SORCS1: variants seen among roughly 807,000 people sequenced by gnomAD.
SORCS1 encodes the protein VPS10 domain-containing receptor SorCS1.
In SORCS1, 60 loss-of-function variants were observed where a neutral mutation model predicts 146.1. The observed-to-expected ratio is 0.41, with a 90% CI of 0.33 to 0.51. The LOEUF is 0.51. Among genes scored for constraint, SORCS1 ranks in the 20% least tolerant of loss-of-function variants. The pLI, the probability that SORCS1 is intolerant of heterozygous loss-of-function variation, is 0.21. For missense variants in SORCS1, 1,352 were observed against 1,487.6 expected (o/e 0.91, Z 1.50); for synonymous variants, 637 against 584.0 (o/e 1.09, Z -1.31).
In SORCS1 at chr10:106,976,652, C is replaced by T. The variant is rs955566452; in HGVS notation, c.559-20072G>A. 9.9e-5 allele frequency among the ~76,000 whole-genome samples: 15 copies of T among 152,062 alleles called. 1 individual carries two copies. Among genetic ancestry groups the T allele is most frequent in the African/African-American group, 2.4e-5 (1 of 41,406 alleles). ...GGCTGCCATCATCTAGGTTTTAAGC[C>T]GCACATGCATTAGGTATTTGTCCTA... On this transcript the variant is annotated intron_variant, in intron 1 of 25. Transcript: ENST00000263054.
At chr10:106,992,958 A>G (rs957731322) in intron 1 of SORCS1, among the ~76,000 whole-genome samples, 1 of 148,204 alleles carries the variant, frequency 6.7e-6, no homozygotes, top group Non-Finnish European at 1.5e-5. Flanking sequence ...CAGCCTCCCT[A>G]GTAGCTGGGA....
chr10:106,733,124 AAGAAAAG>A (rs1856725058), intron 5 of SORCS1, among the ~76,000 whole-genome samples: 1 of 149,640 alleles, frequency 6.7e-6, no homozygotes, highest in Non-Finnish European at 1.5e-5. Flanking sequence ...AAGAAAAGAA[AAGAAAAG>A]AAAAGAAAAG....
At chr10:107,103,034 C>T (rs1965048324) in intron 1 of SORCS1, among the ~76,000 whole-genome samples, 1 of 152,176 alleles carries the variant, frequency 6.6e-6, no homozygotes, top group African/African-American at 2.4e-5. Flanking sequence ...CCATACCTTT[C>T]TCCTTCCAAC....
At chr10:106,769,925 T>C (rs1859882544) in intron 4 of SORCS1, among the ~76,000 whole-genome samples, 1 of 152,046 alleles carries the variant, frequency 6.6e-6, no homozygotes, top group African/African-American at 2.4e-5. Context: ...ACCCAGTCTC[T>C]ACTAAAAAAA....
At chr10:107,003,871 T>A (rs1275033686) in intron 1 of SORCS1, among the ~76,000 whole-genome samples, 1 of 151,826 alleles carries the variant, frequency 6.6e-6, no homozygotes, top group Admixed American at 6.6e-5. Context: ...CCACAACAAA[T>A]CCCTTTTTAA....
intron 2 of SORCS1, among the ~76,000 whole-genome samples, chr10:106,898,513 G>A (rs1951574539): frequency 1.3e-5 from 2 of 152,168 alleles, no homozygotes; most frequent in South Asian, 2.1e-4. Flanking sequence ...AATGAGCATG[G>A]CACTGGAAAC....
intron 1 of SORCS1, among the ~76,000 whole-genome samples, chr10:107,000,442 C>CA (rs774072689): frequency 0.038 from 5,078 of 135,040 alleles, 256 homozygotes; most frequent in African/African-American, 0.12. Context: ...TACTAAAATA[C>CA]AAAAAAAAAA....
At chr10:106,980,530 AATTAGTT>A (rs1246131659) in intron 1 of SORCS1, among the ~76,000 whole-genome samples, 12 of 152,172 alleles carry the variant, frequency 7.9e-5, no homozygotes, top group Non-Finnish European at 1.8e-4. Context: ...AACTTTCACT[AATTAGTT>A]ATTTCTATTA....
chr10:106,920,104 C>CA (rs1471909213), intron 2 of SORCS1, among the ~76,000 whole-genome samples: 1 of 152,164 alleles, frequency 6.6e-6, no homozygotes, highest in Non-Finnish European at 1.5e-5. Context: ...TTTGGACAGA[C>CA]ACCACTGTTA....
intron 18 of SORCS1, among the ~76,000 whole-genome samples, chr10:106,630,859 A>G (rs1848400465): frequency 6.6e-6 from 1 of 152,068 alleles, no homozygotes. Context: ...AAAAAAAAAA[A>G]AGAAATGGCC....
intron 1 of SORCS1, among the ~76,000 whole-genome samples, chr10:107,144,772 C>A (rs1968163286): frequency 1.3e-5 from 2 of 152,238 alleles, no homozygotes; most frequent in African/African-American, 2.4e-5. Flanking sequence ...TTTGCTAGAA[C>A]CTATCAATAT....
At chr10:106,976,008 A>G (rs1955979698) in intron 1 of SORCS1, among the ~76,000 whole-genome samples, 1 of 151,750 alleles carries the variant, frequency 6.6e-6, no homozygotes, top group Non-Finnish European at 1.5e-5. Context: ...ATTGGCGGGC[A>G]GTGGTGGCGC....
chr10:106,768,534 T>G (rs1341562788), intron 4 of SORCS1, among the ~76,000 whole-genome samples: 2 of 152,212 alleles, frequency 1.3e-5, no homozygotes, highest in African/African-American at 4.8e-5. Context: ...CAAATAGAGT[T>G]AATGTGAAGA....
chr10:106,710,357 G>GAATCAC (rs1032178614), intron 6 of SORCS1, among the ~76,000 whole-genome samples: 1 of 144,718 alleles, frequency 6.9e-6, no homozygotes, highest in African/African-American at 2.5e-5. Flanking sequence ...TGAGGCAACA[G>GAATCAC]AATCACTTGA....
At chr10:106,822,802 T>TTTTTTTTTTTTTTTTCG (rs994708912) in intron 3 of SORCS1, among the ~76,000 whole-genome samples, 1 of 140,120 alleles carries the variant, frequency 7.1e-6, no homozygotes, top group Non-Finnish European at 1.5e-5. Flanking sequence ...TTTTTTTTTT[T>TTTTTTTTTTTTTTTTCG]GAATATTGCT....
At chr10:106,836,824 G>A (rs1408437571) in intron 2 of SORCS1, among the ~76,000 whole-genome samples, 1 of 152,172 alleles carries the variant, frequency 6.6e-6, no homozygotes, top group African/African-American at 2.4e-5. Context: ...CCTGACTCCT[G>A]TGAAGGCTGA....
At chr10:106,767,386 T>A (rs1297308664) in intron 4 of SORCS1, among the ~76,000 whole-genome samples, 4 of 152,148 alleles carry the variant, frequency 2.6e-5, no homozygotes, top group Non-Finnish European at 5.9e-5. Context: ...AATATATGAC[T>A]GTGGGCGAGT....
chr10:106,881,119 A>AAAGGACAT (rs1950792228), intron 2 of SORCS1, among the ~76,000 whole-genome samples: 1 of 151,434 alleles, frequency 6.6e-6, no homozygotes, highest in African/African-American at 2.4e-5. Flanking sequence ...AAATCTCCTC[A>AAAGGACAT]AAGGACATGA....
chr10:106,679,633 T>A lies in SORCS1; in HGVS notation c.1662A>T (p.Ser554=). 1.9e-6 allele frequency: 3 copies of A among 1,610,206 alleles called. No individual in the cohort carries two copies. The highest frequency in any genetic ancestry group is 8.5e-7 in the Non-Finnish European group (1 of 1,177,754). ...KDTAPSIIVA[S]GNIGSELSDT... is the part of the protein sequence containing the mutation. Reference sequence around the variant, plus strand: ...CAGCAAACCAGGTAAGCTTCTTACCTGATGCCACTATGATGCTTGGAGCTG... The same window carrying A: ...CAGCAAACCAGGTAAGCTTCTTACCAGATGCCACTATGATGCTTGGAGCTG... Residue 554 remains serine, a splice_region_variant and synonymous_variant, in exon 11 of 26, where the codon TCA becomes TCT. Coordinates refer to ENST00000263054, the MANE Select transcript of SORCS1 (RefSeq NM_052918.5).
Sources: allele counts gnomAD v4.1 joint callset (sites outside exome capture counted in the v4.1 genomes callset), GRCh38; gene constraint gnomAD v4.1.1; transcripts MANE v1.5; gene names NCBI Gene and HGNC (gene_info 2026-07-23, HGNC 2026-07-21).